The following CTNS variants were observed in gnomAD, a reference collection of about 807,000 sequenced individuals.
CTNS encodes cystinosin.
Under a neutral mutation model 43.7 loss-of-function variants are expected in CTNS, and 27 were observed. That is an observed-to-expected ratio of 0.62 (90% CI 0.46 to 0.85). The LOEUF is 0.85. Among genes scored for constraint, CTNS ranks in the 40% least tolerant of loss-of-function variants. The pLI, the probability that CTNS is intolerant of heterozygous loss-of-function variation, is 0.00. For missense variants in CTNS, 457 were observed against 475.4 expected, an observed-to-expected ratio of 0.96 and a Z score of 0.36; for synonymous variants, 187 against 190.6, an observed-to-expected ratio of 0.98 and a Z score of 0.16.
intron 5 of CTNS, among the ~76,000 whole-genome samples, chr17:3,653,416 C>A (rs1049221944): frequency 6.6e-6 from 1 of 152,030 alleles, no homozygotes; most frequent in African/African-American, 2.4e-5. Context: ...CATCTCAAAA[C>A]ATATATAATA....
At position 3,647,889 on chromosome 17, in the gene CTNS, A is replaced by G. The variant is rs368914247; in HGVS notation, c.140+367A>G. On this transcript the variant is annotated intron_variant, in intron 4 of 11. Transcript: ENST00000046640. ...CTGAAGGTCAAGGGGCAGGGAGCTG[A>G]GCTGCTGGTTGGCACTTCTGAGGTT... Among the ~76,000 whole-genome samples, 3 of 152,328 alleles carry G rather than the reference A, an allele frequency of 2.0e-5. No individual in the cohort carries two copies. The East Asian group carries it at 5.8e-4, about 29-fold the overall frequency.
intron 9 of CTNS, among the ~76,000 whole-genome samples, chr17:3,657,076 C>CAGGGAGGAGGGAGGAGGGCACAGA (rs1255989734): frequency 2.0e-5 from 3 of 151,688 alleles, no homozygotes; most frequent in African/African-American, 7.3e-5. Context: ...TGAGCCCTGC[C>CAGGGAGGAGGGAGGAGGGCACAGA]AGGGAGGAGG....
At chr17:3,644,050 CA>C (rs2075786580) in intron 3 of CTNS, among the ~76,000 whole-genome samples, 1 of 152,100 alleles carries the variant, frequency 6.6e-6, no homozygotes, top group Non-Finnish European at 1.5e-5. Flanking sequence ...AAATCTGATA[CA>C]ATGTAAAGAT....
intron 5 of CTNS, chr17:3,650,269 G>A (rs1205024817): frequency 1.3e-6 from 2 of 1,550,268 alleles, no homozygotes; most frequent in Non-Finnish European, 1.7e-6. Flanking sequence ...CCCCTAGGAA[G>A]CAAACAGGAG....
At position 3,655,304 on chromosome 17, in the gene CTNS, G is replaced by C. The variant is rs121908125; in HGVS notation, c.413G>C (p.Trp138Ser). The change falls in exon 7 of 12, where the codon TGG becomes TCG. Residue 138 changes from tryptophan (W) to serine (S), a missense_variant. By Grantham distance (177) the Trp-to-Ser change is radical (BLOSUM62 -3). Transcript: ENST00000046640. ...ATTGGCTGGATCTACTTTGTGGCCT[G>C]GTCCATCTCCTTCTACCCTCAGGTG... is the stretch of plus-strand genomic sequence containing the variant. ...QVIGWIYFVA[W>S]SISFYPQVIM... The C allele has an allele frequency of 1.2e-6, 2 of 1,614,198 alleles. No individual in the cohort carries two copies. Among genetic ancestry groups the C allele is most frequent in the Non-Finnish European group, 8.5e-7 (1 of 1,180,044 alleles).
At chr17:3,643,131 G>T (rs968472443) in intron 3 of CTNS, among the ~76,000 whole-genome samples, 1 of 151,880 alleles carries the variant, frequency 6.6e-6, no homozygotes, top group Non-Finnish European at 1.5e-5. Context: ...TGGCTAACAT[G>T]GTGAAATCCC....
chr17:3,643,849 G>A (rs955904124), intron 3 of CTNS, among the ~76,000 whole-genome samples: 13 of 152,170 alleles, frequency 8.5e-5, no homozygotes, highest in Admixed American at 3.3e-4. Context: ...TTACAGGCGT[G>A]AGCCACCGCA....
intron 2 of CTNS, among the ~76,000 whole-genome samples, chr17:3,638,226 GTTTTTTTTTTGT>G (rs1420382859): frequency 3.4e-5 from 5 of 149,004 alleles, no homozygotes; most frequent in African/African-American, 7.4e-5. Context: ...TATCAATCTG[GTTTTTTTTTTGT>G]TTTTTTTTTT....
intron 3 of CTNS, among the ~76,000 whole-genome samples, chr17:3,642,064 C>CGT (rs139025469): frequency 0.13 from 18,661 of 139,828 alleles, 2,652 homozygotes; most frequent in African/African-American, 0.36. Flanking sequence ...TGTACCCGGG[C>CGT]GTGTGTGTGT....
chr17:3,647,666 G>C, intron 4 of CTNS, 144 bp downstream of exon 4: 1 of 770,546 alleles, frequency 1.3e-6, no homozygotes, highest in Non-Finnish European at 2.2e-6. Flanking sequence ...AAAAGGGATG[G>C]TGCTAGCCCC....
Position 3,648,832 on chromosome 17 carries a change from T to G in CTNS, c.141-15T>G. 6.2e-7 allele frequency: 1 copy of G among 1,607,304 alleles called. No individual in the cohort carries two copies. The highest frequency in any genetic ancestry group is 8.5e-7 in the Non-Finnish European group (1 of 1,173,738). On this transcript the variant is annotated splice_polypyrimidine_tract_variant and intron_variant, in intron 4 of 11. Transcript: ENST00000046640. The stretch of plus-strand genomic sequence containing the variant: ...TCCAGCTTCTCAGCAGTAATTAGAC[T>G]CTTGTCCTCCACAGGCCACCATTAA...
chr17:3,652,196 G>A (rs2076003684), intron 5 of CTNS, among the ~76,000 whole-genome samples: 1 of 152,104 alleles, frequency 6.6e-6, no homozygotes, highest in South Asian at 2.1e-4. Flanking sequence ...CTTGGGTAAG[G>A]CACTTCACCC....
intron 7 of CTNS, 33 bp downstream of exon 7, chr17:3,655,385 C>CG (rs778867490): frequency 1.9e-6 from 3 of 1,613,000 alleles, no homozygotes; most frequent in Admixed American, 3.3e-5. Context: ...CAGGCTCTCT[C>CG]GGGGCCCCTA....
In CTNS at chr17:3,645,770, G is replaced by A. The variant is rs542427060; in HGVS notation, c.62-1674G>A. 2.7e-5 allele frequency among the ~76,000 whole-genome samples: 4 copies of A among 149,388 alleles called. No individual in the cohort carries two copies. In the South Asian group the frequency reaches 8.4e-4, roughly 31 times the overall value. On this transcript the variant is annotated intron_variant, in intron 3 of 11. Coordinates refer to ENST00000046640, the MANE Select transcript of CTNS (RefSeq NM_004937.3). ...AGCTACTTGGAAGGCTGAGACAGGA[G>A]AATCACTTGAACCCAGGAGGCAGAG...
rs556178474 is a variant in CTNS, at chr17:3,641,430, C to T, written c.61+1163C>T. On this transcript the variant is annotated intron_variant, in intron 3 of 11. Transcript: ENST00000046640. ...TTTTTGAGACAGAGTCTCACTCTGTCGCTGAGGCTGGTGTGCAGTGGCACG... is the reference window on the plus strand; with the variant it reads ...TTTTTGAGACAGAGTCTCACTCTGTTGCTGAGGCTGGTGTGCAGTGGCACG... Among the ~76,000 whole-genome samples, 9 of 107,536 alleles carry T rather than the reference C, an allele frequency of 8.4e-5. No homozygotes were observed. In the East Asian group the frequency reaches 1.5e-3, roughly 18 times the overall value. The allele number at this position is 107,536 out of a possible 152,430, so 70.5% of individuals were successfully genotyped here.
chr17:3,636,869 A>G (rs116222406), intron 1 of CTNS, 38 bp downstream of exon 1: 4,797 of 152,226 alleles, frequency 0.032, 246 homozygotes, highest in African/African-American at 0.1. Context: ...TCCCAGGCGG[A>G]CCCCTTGAGG....
At chr17:3,641,382 ATATTTT>A (rs1331038181) in intron 3 of CTNS, among the ~76,000 whole-genome samples, 239 of 39,858 alleles carry the variant, frequency 6.0e-3, no homozygotes, top group Middle Eastern at 0.02. Context: ...ATATATATAT[ATATTTT>A]TTTTTTTTTT....
intron 3 of CTNS, among the ~76,000 whole-genome samples, chr17:3,644,521 G>A (rs1443706913): frequency 6.6e-6 from 1 of 152,226 alleles, no homozygotes; most frequent in Non-Finnish European, 1.5e-5. Flanking sequence ...CTGGAGAGCA[G>A]TGGCGCAATC....
At position 3,660,587 on chromosome 17, in the gene CTNS, G is replaced by T; in HGVS notation, c.*218G>T. 6.2e-7 allele frequency: 1 copy of T among 1,613,238 alleles called. No individual in the cohort carries two copies. Among genetic ancestry groups the T allele is most frequent in the South Asian group, 1.1e-5 (1 of 91,082 alleles). ...CCCCGGCCAGGCACGTGGCACCGTC[G>T]CCTTGACACCGCCATCTCTTTTCTT... On this transcript the variant is annotated 3_prime_UTR_variant, in exon 12 of 12. Coordinates refer to ENST00000046640, the MANE Select transcript of CTNS (RefSeq NM_004937.3).
Sources: gnomAD v4.1 joint callset for allele counts (sites outside exome capture counted in the v4.1 genomes callset) on GRCh38, gnomAD v4.1.1 for gene constraint, MANE v1.5 for transcripts, NCBI Gene and HGNC (gene_info 2026-07-23, HGNC 2026-07-21) for gene names.